The following SLC35F3 variants were observed in gnomAD, a reference collection of about 807,000 sequenced individuals.
SLC35F3 encodes the protein solute carrier family 35 member F3, also known as putative thiamine transporter SLC35F3.
In SLC35F3, 25 loss-of-function variants were observed where a neutral mutation model predicts 49.9. The ratio of observed to expected loss-of-function variants is 0.50; its 90% confidence interval spans 0.37 to 0.70. The LOEUF (loss-of-function observed/expected upper bound fraction) is 0.70, where lower values mean the gene tolerates loss of function less well. Among genes scored for constraint, SLC35F3 ranks in the 30% least tolerant of loss-of-function variants. The pLI is 0.00. For synonymous variants in SLC35F3, 275 were observed against 265.4 expected (o/e 1.04, Z -0.35); for missense variants, 525 against 639.8 (o/e 0.82, Z 1.94).
intron 3 of SLC35F3, among the ~76,000 whole-genome samples, chr1:234,243,989 A>C (rs925961196): frequency 3.9e-5 from 6 of 152,216 alleles, no homozygotes; most frequent in African/African-American, 1.4e-4. Context: ...AGGTGGGAGA[A>C]GGCTCACCAA....
chr1:234,021,242 T>A (rs1663890646), intron 2 of SLC35F3, among the ~76,000 whole-genome samples: 1 of 152,122 alleles, frequency 6.6e-6, no homozygotes, highest in Non-Finnish European at 1.5e-5. Flanking sequence ...TACAGGTTGG[T>A]GCTCTGGAAA....
intron 2 of SLC35F3, among the ~76,000 whole-genome samples, chr1:234,099,678 C>T (rs1665186617): frequency 3.4e-5 from 5 of 148,844 alleles, no homozygotes; most frequent in Admixed American, 3.3e-4. Context: ...AGGAGCAATA[C>T]AAGAGAACAC....
chr1:234,098,020 A>T (rs528650114), intron 2 of SLC35F3, among the ~76,000 whole-genome samples: 4 of 130,746 alleles, frequency 3.1e-5, no homozygotes, highest in African/African-American at 1.2e-4. Flanking sequence ...GTGATGATGG[A>T]GGTGGTGACT....
chr1:233,977,056 G>A (rs1663104612), intron 2 of SLC35F3, among the ~76,000 whole-genome samples: 1 of 152,164 alleles, frequency 6.6e-6, no homozygotes. Flanking sequence ...TAAAGAGTAG[G>A]ACTTTCAAAT....
intron 2 of SLC35F3, among the ~76,000 whole-genome samples, chr1:234,108,572 T>TTTATATATAAAAGATATATA (rs1665333983): frequency 9.7e-6 from 1 of 102,960 alleles, no homozygotes; most frequent in Non-Finnish European, 1.7e-5. Context: ...ATATATATTA[T>TTTATATATAAAAGATATATA]TTATATATAT....
rs1657498229 is a variant in SLC35F3, at chr1:234,316,687, C to T, written c.914C>T (p.Ala305Val). Residue 305 changes from alanine to valine, a missense_variant, in exon 5 of 8, where the codon GCA becomes GTA. Coordinates refer to ENST00000366618, the MANE Select transcript of SLC35F3 (RefSeq NM_173508.4). ...GFHSHSVIGI[A>V]LVVASASMSA... ...CACAGCCACTCCGTCATCGGCATCGCACTGGTGGTGGCCTCAGCATCGATG... is the reference window on the plus strand; with the variant it reads ...CACAGCCACTCCGTCATCGGCATCGTACTGGTGGTGGCCTCAGCATCGATG... The T allele has an allele frequency of 1.2e-6, 2 of 1,613,096 alleles. No individual in the cohort carries two copies. Among genetic ancestry groups the T allele is most frequent in the Non-Finnish European group, 1.7e-6 (2 of 1,179,076 alleles).
At chr1:234,154,899 C>T (rs917219218) in intron 2 of SLC35F3, among the ~76,000 whole-genome samples, 11 of 152,070 alleles carry the variant, frequency 7.2e-5, no homozygotes, top group African/African-American at 2.7e-4. Context: ...GTATGTAAAT[C>T]ATCCATCTAT....
intron 2 of SLC35F3, among the ~76,000 whole-genome samples, chr1:234,171,867 A>G (rs769479577): frequency 6.6e-6 from 1 of 152,158 alleles, no homozygotes; most frequent in African/African-American, 2.4e-5. Flanking sequence ...TCTGATCACT[A>G]TACATTATAT....
At chr1:234,305,316 A>AT (rs1444397943) in intron 3 of SLC35F3, among the ~76,000 whole-genome samples, 1 of 151,548 alleles carries the variant, frequency 6.6e-6, no homozygotes, top group Non-Finnish European at 1.5e-5. Flanking sequence ...GATTTTTACC[A>AT]TTTTTTCTTT....
rs534972403 is a variant in SLC35F3, at chr1:234,147,789, A to G, written c.284-83628A>G. On this transcript the variant is annotated intron_variant, in intron 2 of 7. Transcript: ENST00000366618. ...CTTAGAGGCGTGGTTTTCAAGCTTCATTGTGAATCTGAATGACCGGAGAGC... is the reference window on the plus strand; with the variant it reads ...CTTAGAGGCGTGGTTTTCAAGCTTCGTTGTGAATCTGAATGACCGGAGAGC... Among the ~76,000 whole-genome samples the G allele has an allele frequency of 1.7e-3, 253 of 152,338 alleles. 2 individuals are homozygous for G. The highest frequency in any genetic ancestry group is 5.6e-3 in the African/African-American group (233 of 41,574).
chr1:234,199,252 A>C (rs1018716521), intron 2 of SLC35F3, among the ~76,000 whole-genome samples: 9 of 152,256 alleles, frequency 5.9e-5, no homozygotes, highest in African/African-American at 2.2e-4. Flanking sequence ...GAAAAGAAAA[A>C]AAACAAAAGT....
intron 2 of SLC35F3, among the ~76,000 whole-genome samples, chr1:234,031,402 G>A (rs1664060154): frequency 6.6e-6 from 1 of 152,182 alleles, no homozygotes; most frequent in African/African-American, 2.4e-5. Context: ...TATCAATGAA[G>A]GAGCACATGG....
chr1:234,309,312 G>A lies in SLC35F3; in HGVS notation c.820G>A (p.Gly274Arg). The A allele has an allele frequency of 6.2e-7, 1 of 1,614,020 alleles. No individual in the cohort carries two copies. The highest frequency in any genetic ancestry group is 8.5e-7 in the Non-Finnish European group (1 of 1,179,916). The part of the protein sequence containing the change: ...SWIVLRDRFM[G>R]VRIVAAILAI... ...GATCGTTCTCAGGGACAGATTCATG[G>A]GAGTGAGGGTAAGTTCCTTATTATC... The change falls in exon 4 of 8, where the codon GGA becomes AGA. Residue 274 changes from glycine to arginine, a missense_variant. Gly to Arg is a moderately radical substitution (Grantham distance 125). This residue lies in a region of SLC35F3 where 216 missense variants were observed against 298.1 expected (regional missense o/e 0.72). Transcript: ENST00000366618.
At chr1:233,935,658 G>T (rs1024024426) in intron 2 of SLC35F3, among the ~76,000 whole-genome samples, 1 of 152,120 alleles carries the variant, frequency 6.6e-6, no homozygotes, top group Non-Finnish European at 1.5e-5. Context: ...AGCTTATGTT[G>T]CCTTGAGAGG....
At chr1:234,140,881 G>A (rs1320595707) in intron 2 of SLC35F3, among the ~76,000 whole-genome samples, 1 of 152,148 alleles carries the variant, frequency 6.6e-6, no homozygotes, top group East Asian at 1.9e-4. Flanking sequence ...AGTTGCCAAG[G>A]AGTCACCATT....
chr1:234,013,528 G>GA (rs772605255), intron 2 of SLC35F3, among the ~76,000 whole-genome samples: 164 of 142,196 alleles, frequency 1.2e-3, no homozygotes, highest in East Asian at 3.3e-3. Flanking sequence ...AAAAACAATA[G>GA]AAAAAAAAAA....
At chr1:234,227,645 A>G (rs510560) in intron 2 of SLC35F3, among the ~76,000 whole-genome samples, 73,676 of 151,742 alleles carry the variant, frequency 0.49, 22,404 homozygotes, top group African/African-American at 0.84. Flanking sequence ...TGATCCGCCC[A>G]CCTCGGCCTC....
intron 3 of SLC35F3, among the ~76,000 whole-genome samples, chr1:234,255,375 A>G (rs1163397909): frequency 7.9e-5 from 12 of 152,248 alleles, no homozygotes; most frequent in Non-Finnish European, 5.9e-5. Flanking sequence ...AATGTGGAGC[A>G]ATAGGAACTC....
chr1:234,032,774 C>T (rs1664082877), intron 2 of SLC35F3, among the ~76,000 whole-genome samples: 1 of 152,138 alleles, frequency 6.6e-6, no homozygotes, highest in Non-Finnish European at 1.5e-5. Flanking sequence ...CTCATTGATT[C>T]ATGGGCATTT....
Sources: allele counts gnomAD v4.1 joint callset (sites outside exome capture counted in the v4.1 genomes callset), GRCh38; gene constraint gnomAD v4.1.1; regional missense constraint gnomAD v4.1.1; transcripts MANE v1.5; gene names NCBI Gene and HGNC (gene_info 2026-07-23, HGNC 2026-07-21).